Variants in XKR6 observed in about 807,000 individuals in gnomAD.
XKR6 encodes XK related 6.
In XKR6, 22 loss-of-function variants were observed where a neutral mutation model predicts 56.7. That is an observed-to-expected ratio of 0.39 (90% CI 0.28 to 0.55). XKR6 has a LOEUF of 0.55. XKR6 is among the 20% of genes least tolerant of loss of function. XKR6 has a pLI of 0.66. For missense variants in XKR6, 852 were observed against 889.0 expected (o/e 0.96, Z 0.53); for synonymous variants, 524 against 387.8 (o/e 1.35, Z -4.13).
intron 1 of XKR6, among the ~76,000 whole-genome samples, chr8:10,951,978 G>A (rs1263137395): frequency 1.3e-5 from 2 of 152,144 alleles, no homozygotes; most frequent in Admixed American, 1.3e-4. Flanking sequence ...CTAGCTGGCT[G>A]AGAAAAAGCC....
chr8:10,979,826 G>A (rs79104394), intron 1 of XKR6, among the ~76,000 whole-genome samples: 7,090 of 152,258 alleles, frequency 0.047, 244 homozygotes, highest in Non-Finnish European at 0.071. Flanking sequence ...GGGCTGTGCC[G>A]TCACGCACAG....
intron 1 of XKR6, among the ~76,000 whole-genome samples, chr8:11,101,334 GAA>G (rs1215159784): frequency 6.6e-6 from 1 of 152,188 alleles, no homozygotes; most frequent in African/African-American, 2.4e-5. Context: ...GAGCGGCCTT[GAA>G]AAAGATGCCG....
intron 1 of XKR6, among the ~76,000 whole-genome samples, chr8:11,009,990 G>C (rs1003647540): frequency 3.9e-5 from 6 of 152,146 alleles, no homozygotes; most frequent in Non-Finnish European, 7.3e-5. Flanking sequence ...TTCTCACATT[G>C]CTATAAAGAA....
intron 1 of XKR6, among the ~76,000 whole-genome samples, chr8:11,173,348 A>AT (rs1554478582): frequency 2.4e-5 from 3 of 123,284 alleles, no homozygotes; most frequent in African/African-American, 8.9e-5. Flanking sequence ...CGCCTTAAAA[A>AT]AAATATATAT....
At chr8:10,944,774 A>T (rs1801486526) in intron 1 of XKR6, among the ~76,000 whole-genome samples, 1 of 152,124 alleles carries the variant, frequency 6.6e-6, no homozygotes, top group Non-Finnish European at 1.5e-5. Context: ...TACAAGGAAA[A>T]GGTGGGGGCC....
At chr8:11,177,758 T>C (rs922944792) in intron 1 of XKR6, among the ~76,000 whole-genome samples, 5 of 152,236 alleles carry the variant, frequency 3.3e-5, no homozygotes, top group Non-Finnish European at 7.3e-5. Flanking sequence ...GGAATGGTCC[T>C]GCTCAGAATC....
intron 1 of XKR6, among the ~76,000 whole-genome samples, chr8:11,136,582 G>C (rs1159196666): frequency 6.6e-6 from 1 of 151,952 alleles, no homozygotes; most frequent in Non-Finnish European, 1.5e-5. Context: ...GCCTTTAGAA[G>C]GTTATTAATT....
intron 1 of XKR6, among the ~76,000 whole-genome samples, chr8:11,136,732 C>A (rs1178377980): frequency 6.6e-6 from 1 of 152,084 alleles, no homozygotes; most frequent in Non-Finnish European, 1.5e-5. Context: ...AGGACCAACT[C>A]GGATGGCATC....
rs5889356 is a variant in XKR6, at chr8:11,045,075, C to CTTTTTTTT, written c.765-120253_765-120246dup. 2.2e-4 allele frequency among the ~76,000 whole-genome samples: 8 copies of CTTTTTTTT among 36,000 alleles called. 3 individuals are homozygous for CTTTTTTTT. The highest frequency in any genetic ancestry group is 3.6e-4 in the Non-Finnish European group (7 of 19,410). The allele number at this position is 36,000 out of a possible 152,430, so 23.6% of individuals were successfully genotyped here. A position where few individuals can be genotyped will look rare whatever the true frequency, so the allele number is the denominator to read the frequency against. ...TTACCATTTCCACCCTCAAATCACT[C>CTTTTTTTT]TTTTTTTTTTTTTTTTTTTTTTTTT... On this transcript the variant is annotated intron_variant, in intron 1 of 2. Transcript: ENST00000416569.
At position 11,066,099 on chromosome 8, in the gene XKR6, GT is replaced by G. The variant is rs146633378; in HGVS notation, c.764+134476del. Among the ~76,000 whole-genome samples the G allele has an allele frequency of 5.7e-3, 873 of 152,334 alleles. 5 individuals are homozygous for G. The highest frequency in any genetic ancestry group is 0.02 in the African/African-American group (831 of 41,576). Reference sequence around the variant, plus strand: ...GACTTTGGCGTTTTCCGTTGCTTCAGTTTTCCTTCCAGGGAATTGCACCCAT... The same window carrying G: ...GACTTTGGCGTTTTCCGTTGCTTCAGTTTCCTTCCAGGGAATTGCACCCAT... On this transcript the variant is annotated intron_variant, in intron 1 of 2. Transcript: ENST00000416569.
At chr8:11,071,610 C>T (rs983418521) in intron 1 of XKR6, among the ~76,000 whole-genome samples, 7 of 144,770 alleles carry the variant, frequency 4.8e-5, no homozygotes, top group Non-Finnish European at 9.0e-5. Flanking sequence ...CTATCAGCCC[C>T]GAGTCCATGG....
intron 1 of XKR6, chr8:11,194,898 T>C: frequency 1.9e-6 from 1 of 526,332 alleles, no homozygotes; most frequent in South Asian, 2.6e-5. Context: ...CTGGAAATAC[T>C]ATGCTGCATC....
chr8:10,986,488 G>C (rs1156532774), intron 1 of XKR6, among the ~76,000 whole-genome samples: 1 of 152,130 alleles, frequency 6.6e-6, no homozygotes, highest in Non-Finnish European at 1.5e-5. Flanking sequence ...ACGATCTCAA[G>C]GCTGTGGAAA....
intron 1 of XKR6, among the ~76,000 whole-genome samples, chr8:11,162,305 G>T (rs1000094905): frequency 2.6e-4 from 40 of 152,228 alleles, no homozygotes; most frequent in Admixed American, 1.3e-3. Flanking sequence ...CCCAGGAAAA[G>T]CCGCCTTCTC....
At chr8:11,114,733 G>A (rs866774355) in intron 1 of XKR6, among the ~76,000 whole-genome samples, 5,069 of 93,876 alleles carry the variant, frequency 0.054, 149 homozygotes, top group African/African-American at 0.13. Context: ...ACATATGTGT[G>A]TGTGTGTGTG....
chr8:11,025,402 A>G (rs1025312844), intron 1 of XKR6, among the ~76,000 whole-genome samples: 5 of 152,190 alleles, frequency 3.3e-5, no homozygotes, highest in African/African-American at 1.2e-4. Context: ...TTCAAAAAAT[A>G]CCTATTGAAT....
chr8:10,946,291 C>A lies in XKR6; in HGVS notation c.765-21461G>T, dbSNP rs574474590. On this transcript the variant is annotated intron_variant, in intron 1 of 2. Transcript: ENST00000416569. ...AGCACTTCACAGCTATGAGAAAGGA[C>A]CCCCGACCCAAAGTGAAGTCACCCA... is the stretch of plus-strand genomic sequence containing the variant. 3.5e-4 allele frequency among the ~76,000 whole-genome samples: 54 copies of A among 152,176 alleles called. 1 individual carries two copies. Among genetic ancestry groups the A allele is most frequent in the African/African-American group, 1.3e-3 (54 of 41,526 alleles).
At chr8:11,053,298 T>C (rs952180725) in intron 1 of XKR6, among the ~76,000 whole-genome samples, 5 of 152,228 alleles carry the variant, frequency 3.3e-5, no homozygotes, top group African/African-American at 1.2e-4. Context: ...CTAAAGTCTC[T>C]GCATTAAGCA....
chr8:11,029,721 C>G (rs111465999), intron 1 of XKR6, among the ~76,000 whole-genome samples: 42 of 152,138 alleles, frequency 2.8e-4, no homozygotes, highest in African/African-American at 8.4e-4. Context: ...CTTGCCAGTC[C>G]CCCCATTTCC....
Sources: gnomAD v4.1 joint callset for allele counts (sites outside exome capture counted in the v4.1 genomes callset) on GRCh38, gnomAD v4.1.1 for gene constraint, MANE v1.5 for transcripts, NCBI Gene and HGNC (gene_info 2026-07-23, HGNC 2026-07-21) for gene names.